Variants in ATP9B observed in about 807,000 individuals in gnomAD.
ATP9B encodes the protein ATPase phospholipid transporting 9B.
In ATP9B, 110 loss-of-function variants were observed where a neutral mutation model predicts 146.1. That is an observed-to-expected ratio of 0.75 (90% CI 0.65 to 0.88). The LOEUF is 0.88. Ranked by LOEUF, ATP9B falls within the 40% of genes least tolerant of loss-of-function variation. ATP9B has a pLI of 0.00. For missense variants in ATP9B, 1,499 were observed against 1,496.4 expected (o/e 1.00, Z -0.03); for synonymous variants, 604 against 569.7 (o/e 1.06, Z -0.86).
chr18:79,348,162 T>G lies in ATP9B; in HGVS notation c.2869T>G (p.Ser957Ala), dbSNP rs766570687. The G allele has an allele frequency of 8.1e-6, 13 of 1,610,574 alleles. No individual in the cohort carries two copies. The highest frequency in any genetic ancestry group is 1.0e-5 in the Non-Finnish European group (12 of 1,179,174). The change falls in exon 25 of 30, where the codon TCC (serine) becomes GCC (alanine). Residue 957 changes from serine to alanine, a missense_variant. Ser to Ala is a moderately conservative substitution (Grantham distance 99, BLOSUM62 1). Coordinates refer to ENST00000426216, the MANE Select transcript of ATP9B (RefSeq NM_198531.5). ...AVFSSVFYFA[S>A]VPLYQGFLMV... is the part of the protein sequence containing the mutation. Reference sequence around the variant, plus strand: ...GTTTTCCTCAGTCTTCTACTTCGCATCCGTCCCTTTGTATCAGGGCTTCCT... The same window carrying G: ...GTTTTCCTCAGTCTTCTACTTCGCAGCCGTCCCTTTGTATCAGGGCTTCCT...
chr18:79,338,319 T>A (rs1054261296), intron 19 of ATP9B, among the ~76,000 whole-genome samples: 1 of 152,278 alleles, frequency 6.6e-6, no homozygotes, highest in African/African-American at 2.4e-5. Context: ...CTGCTTGTCC[T>A]CCCTCTGGCT....
intron 7 of ATP9B, among the ~76,000 whole-genome samples, chr18:79,162,161 A>G (rs1410894525): frequency 6.6e-6 from 1 of 152,242 alleles, no homozygotes; most frequent in Non-Finnish European, 1.5e-5. Context: ...AATCTTAGGT[A>G]TGATGGAAGT....
At chr18:79,253,255 A>G in intron 11 of ATP9B, 126 bp from the exon 12 acceptor site, 2 of 801,866 alleles carry the variant, frequency 2.5e-6, no homozygotes, top group South Asian at 4.8e-5. Context: ...ATATTTCATT[A>G]TAATAAAGGC....
intron 12 of ATP9B, among the ~76,000 whole-genome samples, chr18:79,263,553 G>C (rs2096167652): frequency 6.6e-6 from 1 of 152,174 alleles, no homozygotes; most frequent in Admixed American, 6.5e-5. Flanking sequence ...AATCATACTG[G>C]ATGTTTTCTT....
chr18:79,298,492 T>C (rs924048384), intron 13 of ATP9B, among the ~76,000 whole-genome samples: 1 of 147,086 alleles, frequency 6.8e-6, no homozygotes, highest in Non-Finnish European at 1.5e-5. Context: ...ATTTTGCTCA[T>C]GGACCTCAAG....
intron 6 of ATP9B, chr18:79,144,747 A>ATTTTT (rs758106456): frequency 2.0e-5 from 2 of 100,202 alleles, no homozygotes; most frequent in African/African-American, 9.8e-5. Flanking sequence ...TCTTATTTTT[A>ATTTTT]TTTTTTTTCT....
At chr18:79,104,175 GCCTGGTCTCC>G (rs2075495474) in intron 2 of ATP9B, among the ~76,000 whole-genome samples, 1 of 152,190 alleles carries the variant, frequency 6.6e-6, no homozygotes, top group African/African-American at 2.4e-5. Flanking sequence ...TGTGGCAAAT[GCCTGGTCTCC>G]CCATCCTAGA....
At chr18:79,340,020 C>G (rs1200573750) in intron 19 of ATP9B, among the ~76,000 whole-genome samples, 1 of 152,108 alleles carries the variant, frequency 6.6e-6, no homozygotes, top group East Asian at 1.9e-4. Context: ...GCCTGGGATC[C>G]CAGCTACTCA....
At chr18:79,328,942 T>G (rs1244333576) in intron 15 of ATP9B, among the ~76,000 whole-genome samples, 199 bp from the exon 16 acceptor site, 2 of 152,202 alleles carry the variant, frequency 1.3e-5, no homozygotes, top group African/African-American at 4.8e-5. Context: ...AAGTGACTTT[T>G]GTGATATTGC....
chr18:79,132,344 G>A (rs1172337713), intron 5 of ATP9B, among the ~76,000 whole-genome samples: 1 of 152,162 alleles, frequency 6.6e-6, no homozygotes, highest in African/African-American at 2.4e-5. Context: ...TTACTTCCTT[G>A]TGTGTGTCAG....
At chr18:79,172,151 T>C (rs552130747) in intron 7 of ATP9B, among the ~76,000 whole-genome samples, 4 of 150,198 alleles carry the variant, frequency 2.7e-5, no homozygotes, top group Admixed American at 2.0e-4. Context: ...ACTCCTGACC[T>C]TGCGATCTGC....
chr18:79,371,690 C>T (rs1290851263), intron 26 of ATP9B, among the ~76,000 whole-genome samples: 1 of 152,244 alleles, frequency 6.6e-6, no homozygotes, highest in South Asian at 2.1e-4. Context: ...CAGGCAGGTG[C>T]AGGTTCAGAC....
Position 79,157,207 on chromosome 18 carries a change from T to TACACACACACACAC in ATP9B, c.778+2679_778+2692dup, listed in dbSNP as rs147810207. Among the ~76,000 whole-genome samples, 81 of 135,378 alleles carry TACACACACACACAC rather than the reference T, an allele frequency of 6.0e-4. 1 individual carries two copies. Among genetic ancestry groups the TACACACACACACAC allele is most frequent in the African/African-American group, 2.1e-3 (75 of 35,496 alleles). 88.8% of individuals were successfully genotyped at this position (135,378 alleles called of 152,430 possible). On this transcript the variant is annotated intron_variant, in intron 7 of 29. Coordinates refer to ENST00000426216, the MANE Select transcript of ATP9B (RefSeq NM_198531.5). ...AAAACCCCGTCTCTACTAAAAAAAA[T>TACACACACACACAC]ACACACACACACACACACACACACA...
At position 79,342,374 on chromosome 18, in the gene ATP9B, T is replaced by C; in HGVS notation, c.2382+8T>C. On this transcript the variant is annotated splice_region_variant and intron_variant, in intron 20 of 29. Coordinates refer to ENST00000426216, the MANE Select transcript of ATP9B (RefSeq NM_198531.5). Reference sequence around the variant, plus strand: ...ATTCATATTTTCAGACAGGTAAGTATGTATCTTAATCACTTTGAATTTTTA... The same window carrying C: ...ATTCATATTTTCAGACAGGTAAGTACGTATCTTAATCACTTTGAATTTTTA... 1.3e-6 allele frequency: 2 copies of C among 1,590,852 alleles called. No homozygotes were observed. Among genetic ancestry groups the C allele is most frequent in the South Asian group, 1.1e-5 (1 of 90,236 alleles).
chr18:79,175,493 C>G (rs2095150226), intron 7 of ATP9B, among the ~76,000 whole-genome samples: 1 of 152,078 alleles, frequency 6.6e-6, no homozygotes, highest in South Asian at 2.1e-4. Context: ...TGCACACACA[C>G]AGAAGCATTT....
At chr18:79,336,833 C>T in intron 18 of ATP9B, 122 bp downstream of exon 18, 1 of 959,912 alleles carries the variant, frequency 1.0e-6, no homozygotes, top group Non-Finnish European at 1.6e-6. Flanking sequence ...GTGAAGGCAG[C>T]TTCGCTCAGC....
chr18:79,337,588 C>T, intron 19 of ATP9B, 139 bp downstream of exon 19: 1 of 1,181,172 alleles, frequency 8.5e-7, no homozygotes, highest in East Asian at 2.6e-5. Flanking sequence ...CCCACCAGCT[C>T]CCCTCCTTCC....
At chr18:79,128,184 C>A (rs1051730792) in intron 5 of ATP9B, among the ~76,000 whole-genome samples, 1 of 151,594 alleles carries the variant, frequency 6.6e-6, no homozygotes, top group Non-Finnish European at 1.5e-5. Flanking sequence ...CTCAACCTCC[C>A]GAGAAACTGG....
chr18:79,166,455 C>G (rs1375830178), intron 7 of ATP9B, among the ~76,000 whole-genome samples: 1 of 152,208 alleles, frequency 6.6e-6, no homozygotes, highest in Non-Finnish European at 1.5e-5. Flanking sequence ...ATGCATGGTC[C>G]TCTGTCCCCA....
Sources: gnomAD v4.1 joint callset for allele counts (sites outside exome capture counted in the v4.1 genomes callset) on GRCh38, gnomAD v4.1.1 for gene constraint, MANE v1.5 for transcripts, NCBI Gene and HGNC (gene_info 2026-07-23, HGNC 2026-07-21) for gene names.